Variants in CEP63 observed in about 807,000 individuals in gnomAD.
CEP63 encodes centrosomal protein of 63 kDa.
A neutral mutation model predicts 89.1 loss-of-function variants in CEP63; 84 were observed. The ratio of observed to expected loss-of-function variants is 0.94; its 90% CI spans 0.79 to 1.13. The LOEUF (loss-of-function observed/expected upper bound fraction) is 1.13, where lower values mean the gene tolerates loss of function less well. Among genes scored for constraint, CEP63 ranks in the 50% most tolerant of loss-of-function variants. CEP63 has a pLI of 0.00. For missense variants in CEP63, 838 were observed against 813.3 expected, an observed-to-expected ratio of 1.03 and a Z score of -0.37; for synonymous variants, 267 against 272.5, an observed-to-expected ratio of 0.98 and a Z score of 0.20.
chr3:134,503,950 A>G (rs892145616), intron 2 of CEP63, among the ~76,000 whole-genome samples: 1 of 151,918 alleles, frequency 6.6e-6, no homozygotes, highest in Admixed American at 6.6e-5. Context: ...CAGCCATTCT[A>G]TATCTTTTAA....
the CEP63 span, among the ~76,000 whole-genome samples, chr3:134,697,007 C>A: frequency 1.1e-4 from 17 of 152,208 alleles, no homozygotes; most frequent in Admixed American, 2.6e-4. Context: ...ACTTGACATA[C>A]ATTGCTAAAG....
At chr3:134,775,606 GT>G in the CEP63 span, among the ~76,000 whole-genome samples, 122 of 152,230 alleles carry the variant, frequency 8.0e-4, no homozygotes, top group African/African-American at 2.8e-3. Context: ...GCCCCAGAGA[GT>G]CCAATACGCC....
the CEP63 span, among the ~76,000 whole-genome samples, chr3:134,674,549 T>G: frequency 6.6e-6 from 1 of 152,184 alleles, no homozygotes; most frequent in Non-Finnish European, 1.5e-5. Flanking sequence ...TATCTGCTCT[T>G]ACCATTGCTA....
the CEP63 span, chr3:134,603,906 A>G: frequency 1.2e-5 from 19 of 1,613,918 alleles, no homozygotes; most frequent in Non-Finnish European, 1.5e-5. Context: ...ATACAAGGTA[A>G]TTAAAGACGA....
At chr3:134,604,101 C>G in the CEP63 span, 1 of 1,612,070 alleles carries the variant, frequency 6.2e-7, no homozygotes, top group Non-Finnish European at 8.5e-7. Flanking sequence ...CATTAATGCC[C>G]TCCTCCACGC....
chr3:134,534,397 A>G (rs1267424192), intron 5 of CEP63, among the ~76,000 whole-genome samples: 1 of 152,154 alleles, frequency 6.6e-6, no homozygotes, highest in African/African-American at 2.4e-5. Context: ...TTCAATTATC[A>G]GACTACCAAT....
the CEP63 span, among the ~76,000 whole-genome samples, chr3:134,680,385 C>T: frequency 1.5e-4 from 23 of 152,186 alleles, 1 homozygote; most frequent in African/African-American, 2.4e-5. Context: ...GGGAAAGGGG[C>T]CTGTAACTCT....
the CEP63 span, among the ~76,000 whole-genome samples, chr3:134,780,941 TG>T: frequency 4.3e-3 from 655 of 152,338 alleles, 6 homozygotes; most frequent in African/African-American, 0.015. Flanking sequence ...TCAGTCCACC[TG>T]GAATTGATAT....
chr3:134,743,045 T>A, the CEP63 span, among the ~76,000 whole-genome samples: 1 of 152,224 alleles, frequency 6.6e-6, no homozygotes, highest in Admixed American at 6.5e-5. Flanking sequence ...TAGAAAATCA[T>A]ACCTCCAGGG....
chr3:134,719,141 C>G, the CEP63 span, among the ~76,000 whole-genome samples: 13 of 152,072 alleles, frequency 8.5e-5, no homozygotes, highest in Admixed American at 4.6e-4. Flanking sequence ...TTTCATCAAG[C>G]AGCTTGTTAG....
chr3:134,628,732 G>A, the CEP63 span, among the ~76,000 whole-genome samples: 1 of 152,130 alleles, frequency 6.6e-6, no homozygotes, highest in Non-Finnish European at 1.5e-5. Flanking sequence ...ATAATCTTAT[G>A]AGGCAGATTC....
chr3:134,692,521 A>G, the CEP63 span, among the ~76,000 whole-genome samples: 4 of 152,178 alleles, frequency 2.6e-5, no homozygotes, highest in African/African-American at 9.7e-5. Context: ...TTTGTATCCA[A>G]TCTTTGCAAT....
At chr3:134,770,179 C>T in the CEP63 span, among the ~76,000 whole-genome samples, 1 of 152,228 alleles carries the variant, frequency 6.6e-6, no homozygotes, top group Admixed American at 6.5e-5. Flanking sequence ...TCTGGCTGCC[C>T]ACTGAAATCT....
intron 3 of CEP63, among the ~76,000 whole-genome samples, chr3:134,517,286 CTAGT>C (rs1310199728): frequency 6.6e-6 from 1 of 152,102 alleles, no homozygotes; most frequent in Non-Finnish European, 1.5e-5. Context: ...TCTAATGTGT[CTAGT>C]TAAATAGTTT....
In CEP63 at chr3:134,559,160, G is replaced by T; in HGVS notation, c.1684G>T (p.Gly562Cys). Reference protein sequence around the residue: ...FKNTEFKPTHGQHRHDGIKTE... With the variant: ...FKNTEFKPTHCQHRHDGIKTE... ...TAATCTACCATCCAGGCCAACCCATGGCCAGCACAGACATGATGGAATAAA... is the reference window on the plus strand; with the variant it reads ...TAATCTACCATCCAGGCCAACCCATTGCCAGCACAGACATGATGGAATAAA... Residue 562 changes from glycine (G) to cysteine (C), a missense_variant, in exon 14 of 15, where the codon GGC becomes TGC. By Grantham distance (159) the Gly-to-Cys change is radical. Transcript: ENST00000675561. The T allele has an allele frequency of 6.2e-7, 1 of 1,613,950 alleles. No homozygotes were observed. The highest frequency in any genetic ancestry group is 8.5e-7 in the Non-Finnish European group (1 of 1,179,970).
chr3:134,699,599 C>CT, the CEP63 span, among the ~76,000 whole-genome samples: 3 of 152,348 alleles, frequency 2.0e-5, no homozygotes, highest in South Asian at 6.2e-4. Flanking sequence ...TCCCTACACT[C>CT]TGATGGCTGC....
intron 6 of CEP63, among the ~76,000 whole-genome samples, chr3:134,540,939 G>A (rs959955739): frequency 2.0e-5 from 3 of 151,742 alleles, no homozygotes; most frequent in African/African-American, 4.8e-5. Flanking sequence ...TCACCACCAC[G>A]CTCAGCTAAT....
In CEP63 at chr3:134,488,283, G is replaced by A. The variant is rs531165555; in HGVS notation, c.-26+2081G>A. 1.1e-4 allele frequency among the ~76,000 whole-genome samples: 17 copies of A among 152,280 alleles called. No homozygotes were observed. In the East Asian group the frequency reaches 3.3e-3, roughly 29 times the overall value. On this transcript the variant is annotated intron_variant, in intron 1 of 14. Coordinates refer to ENST00000675561, the MANE Select transcript of CEP63 (RefSeq NM_001353108.3). Reference sequence around the variant, plus strand: ...TGGAATAGTTTCATCCTGAAACCATGCCCCTAACCCTGTCCATGTGTATTA... The same window carrying A: ...TGGAATAGTTTCATCCTGAAACCATACCCCTAACCCTGTCCATGTGTATTA...
At chr3:134,647,557 T>A in the CEP63 span, 1 of 1,023,814 alleles carries the variant, frequency 9.8e-7, no homozygotes, top group Non-Finnish European at 1.5e-6. Flanking sequence ...GATGTACCAG[T>A]TGCAGACTTA....
Sources: gnomAD v4.1 joint callset for allele counts (sites outside exome capture counted in the v4.1 genomes callset) on GRCh38, gnomAD v4.1.1 for gene constraint, MANE v1.5 for transcripts, NCBI Gene and HGNC (gene_info 2026-07-23, HGNC 2026-07-21) for gene names.